The following SYNE1 variants were observed in gnomAD, a reference collection of about 807,000 sequenced individuals.
The protein encoded by SYNE1 is spectrin repeat containing nuclear envelope protein 1, also known as nesprin-1.
Under a neutral mutation model 1,111.0 loss-of-function variants are expected in SYNE1, and 616 were observed. The observed-to-expected ratio is 0.55, with a 90% confidence interval of 0.52 to 0.59. The LOEUF is 0.59. SYNE1 is among the 20% of genes least tolerant of loss of function. The pLI is 0.00. For synonymous variants in SYNE1, 3,855 were observed against 3,825.8 expected (o/e 1.01, Z -0.28); for missense variants, 10,006 against 10,417.0 (o/e 0.96, Z 1.72).
chr6:152,295,603 G>A (rs747301354), intron 93 of SYNE1, among the ~76,000 whole-genome samples: 1 of 151,370 alleles, frequency 6.6e-6, no homozygotes, highest in Non-Finnish European at 1.5e-5. Context: ...TTATGCATGT[G>A]TGTGTGTTAC....
At chr6:152,508,793 T>C (rs946771979) in intron 8 of SYNE1, among the ~76,000 whole-genome samples, 5 of 152,192 alleles carry the variant, frequency 3.3e-5, no homozygotes, top group African/African-American at 1.2e-4. Context: ...CAAAGCTTTG[T>C]TTTCAGAAAT....
chr6:152,151,972 A>C lies in SYNE1; in HGVS notation c.24299T>G (p.Leu8100Trp). The change falls in exon 134 of 146, where the codon TTG becomes TGG. Residue 8100 changes from leucine (L) to tryptophan (W), a missense_variant. By Grantham distance (61) the Leu-to-Trp change is moderately conservative. Around this residue, in one of 7 missense-constraint regions of SYNE1, gnomAD observed 2,182 missense variants for 2,287.8 expected, o/e 0.95. Coordinates refer to ENST00000367255, the MANE Select transcript of SYNE1 (RefSeq NM_182961.4). ...CATAGCAAAAACCTTGAGTCTGCGCAAGATGGAGGTGACACGCTTTTGCAG... is the reference window on the plus strand; with the variant it reads ...CATAGCAAAAACCTTGAGTCTGCGCCAGATGGAGGTGACACGCTTTTGCAG... ...DNLQKRVTSI[L>W]RRLKHFIGQR... is the part of the protein sequence containing the mutation. 6.2e-7 allele frequency: 1 copy of C among 1,614,236 alleles called. No homozygotes were observed. The highest frequency in any genetic ancestry group is 1.6e-4 in the Middle Eastern group (1 of 6,062).
In SYNE1 at chr6:152,165,072, G is replaced by GCC. The variant is rs71017524; in HGVS notation, c.23628-749_23628-748dup. ...ACACTTAGAGTCATCAGATATTCGC[G>GCC]CCCCCTCCCCCACCCCCACATTACT... On this transcript the variant is annotated intron_variant, in intron 130 of 145. Transcript: ENST00000367255. Among the ~76,000 whole-genome samples, 6 of 149,048 alleles carry GCC rather than the reference G, an allele frequency of 4.0e-5. No individual in the cohort carries two copies. The South Asian group carries it at 8.5e-4, about 21-fold the overall frequency.
At chr6:152,279,265 T>TA (rs1373066937) in intron 97 of SYNE1, among the ~76,000 whole-genome samples, 95 of 132,894 alleles carry the variant, frequency 7.1e-4, no homozygotes, top group Middle Eastern at 3.8e-3. Flanking sequence ...CAAAAAAGAC[T>TA]AAAAAAAAAA....
intron 95 of SYNE1, among the ~76,000 whole-genome samples, chr6:152,288,129 T>G (rs1433906069): frequency 9.8e-6 from 1 of 101,574 alleles, no homozygotes; most frequent in African/African-American, 4.7e-5. Flanking sequence ...TGTCTTTGTT[T>G]TTTTTTTTTT....
intron 77 of SYNE1, 114 bp from the exon 78 acceptor site, chr6:152,332,004 C>T: frequency 6.8e-7 from 1 of 1,479,650 alleles, no homozygotes; most frequent in South Asian, 1.2e-5. Flanking sequence ...GAGTTTTGCT[C>T]TTGTTTCCCA....
chr6:152,387,941 A>G (rs1371061003), intron 53 of SYNE1, among the ~76,000 whole-genome samples: 2 of 152,206 alleles, frequency 1.3e-5, no homozygotes, highest in African/African-American at 4.8e-5. Flanking sequence ...AAGTATTTAT[A>G]AGAAAAATAG....
chr6:152,373,374 C>T (rs867664378), intron 58 of SYNE1, among the ~76,000 whole-genome samples, 155 bp from the exon 59 acceptor site: 4 of 151,704 alleles, frequency 2.6e-5, no homozygotes, highest in South Asian at 4.2e-4. Context: ...CCGTCTTCTG[C>T]GTTCAAGCAA....
intron 141 of SYNE1, 133 bp from the exon 142 acceptor site, chr6:152,135,365 G>A (rs992824000): frequency 9.3e-6 from 9 of 966,996 alleles, no homozygotes; most frequent in Non-Finnish European, 1.2e-5. Context: ...TTCTGAGGAA[G>A]GCACTGGTGC....
chr6:152,312,209 CT>C lies in SYNE1; in HGVS notation c.16711-1337del, dbSNP rs990813989. On this transcript the variant is annotated intron_variant, in intron 87 of 145. Coordinates refer to ENST00000367255, the MANE Select transcript of SYNE1 (RefSeq NM_182961.4). ...ATGTATTTATACAAGATATATTTAT[CT>C]TTTTTTTTTTTTTTCTGAGACGGAG... Among the ~76,000 whole-genome samples the C allele has an allele frequency of 2.2e-3, 175 of 80,218 alleles. 1 individual carries two copies. The highest frequency in any genetic ancestry group is 6.1e-3 in the African/African-American group (143 of 23,366). 52.6% of individuals were successfully genotyped at this position (80,218 alleles called of 152,430 possible).
intron 10 of SYNE1, 95 bp from the exon 11 acceptor site, chr6:152,498,887 G>T (rs936414174): frequency 1.2e-5 from 8 of 647,842 alleles, no homozygotes; most frequent in Non-Finnish European, 1.9e-5. Context: ...AAAGGCATCC[G>T]CCTTTAGAGA....
Position 152,449,626 on chromosome 6 carries a change from T to A in SYNE1, c.3411A>T (p.Ser1137=). 1 of 1,613,288 alleles carries A rather than the reference T, an allele frequency of 6.2e-7. No individual in the cohort carries two copies. The highest frequency in any genetic ancestry group is 8.5e-7 in the Non-Finnish European group (1 of 1,179,232). ...KDYTSRFSEF[S]SWISTNETQL... ...GTGTCTCATTTGTAGATATCCAAGA[T>A]GAGAACTCAGAGAATCTGAAATAAC... Residue 1137 remains serine, a synonymous_variant, in exon 28 of 146, where the codon TCA becomes TCT. Coordinates refer to ENST00000367255, the MANE Select transcript of SYNE1 (RefSeq NM_182961.4).
intron 4 of SYNE1, among the ~76,000 whole-genome samples, chr6:152,532,953 C>T (rs1483782454): frequency 1.3e-5 from 2 of 151,998 alleles, no homozygotes; most frequent in East Asian, 3.9e-4. Context: ...GTGACCTCCC[C>T]AAAGGTTGGC....
chr6:152,178,106 T>C (rs1220108982), intron 129 of SYNE1, among the ~76,000 whole-genome samples: 1 of 152,166 alleles, frequency 6.6e-6, no homozygotes, highest in Non-Finnish European at 1.5e-5. Flanking sequence ...ATAATATTCC[T>C]AACATTGTGC....
chr6:152,271,546 C>T lies in SYNE1; in HGVS notation c.18574-2260G>A, dbSNP rs149410290. 5.3e-5 allele frequency among the ~76,000 whole-genome samples: 8 copies of T among 152,272 alleles called. No homozygotes were observed. The East Asian group carries it at 1.5e-3, about 29-fold the overall frequency. ...AAATTCTCCACCTTCTGCGGAATTT[C>T]TCAAAGATAAGCAGTGATTTTCCTA... On this transcript the variant is annotated intron_variant, in intron 98 of 145. Coordinates refer to ENST00000367255, the MANE Select transcript of SYNE1 (RefSeq NM_182961.4).
chr6:152,377,199 A>T (rs2097296284), intron 56 of SYNE1, among the ~76,000 whole-genome samples: 2 of 152,220 alleles, frequency 1.3e-5, no homozygotes, highest in Non-Finnish European at 2.9e-5. Context: ...CAAGAAAAAG[A>T]AAAAATAGCC....
At chr6:152,421,715 ATTTT>A (rs1275113073) in intron 39 of SYNE1, among the ~76,000 whole-genome samples, 10 of 131,900 alleles carry the variant, frequency 7.6e-5, no homozygotes, top group South Asian at 2.3e-4. Flanking sequence ...TTATTTATTT[ATTTT>A]TTGGAGATGG....
intron 128 of SYNE1, among the ~76,000 whole-genome samples, chr6:152,184,229 A>G (rs2069007468): frequency 6.6e-6 from 1 of 152,162 alleles, no homozygotes. Flanking sequence ...TGAGGTCAGG[A>G]GTTTGAGACC....
rs377692074 is a variant in SYNE1 at position 152,213,696 on chromosome 6, T to G, written c.22410A>C (p.Glu7470Asp). 14 of 1,614,042 alleles carry G rather than the reference T, an allele frequency of 8.7e-6. No individual in the cohort carries two copies. In the African/African-American group the frequency reaches 1.7e-4, roughly 20 times the overall value. ...TFLEKCETWM[E>D]FLVQTEQKLA... ...ACTTTTGTTCTGTCTGAACTAGGAATTCCATCCATGTTTCACATTTTTCCA... is the reference window on the plus strand; with the variant it reads ...ACTTTTGTTCTGTCTGAACTAGGAAGTCCATCCATGTTTCACATTTTTCCA... Residue 7470 changes from glutamate to aspartate, a missense_variant, in exon 123 of 146, where the codon GAA becomes GAC. This residue lies in a region of SYNE1 where 2,182 missense variants were observed against 2,287.8 expected (regional missense o/e 0.95). Transcript: ENST00000367255.
Sources: allele counts gnomAD v4.1 joint callset (sites outside exome capture counted in the v4.1 genomes callset), GRCh38; gene constraint gnomAD v4.1.1; regional missense constraint gnomAD v4.1.1; transcripts MANE v1.5; gene names NCBI Gene and HGNC (gene_info 2026-07-23, HGNC 2026-07-21).